The following CHEK2 variants were observed in gnomAD, a reference collection of about 807,000 sequenced individuals.
CHEK2 encodes the protein checkpoint kinase 2, also known as serine/threonine-protein kinase Chk2.
Under a neutral mutation model 69.1 loss-of-function variants are expected in CHEK2, and 71 were observed. The observed-to-expected ratio is 1.03, with a 90% CI of 0.85 to 1.25. The LOEUF is 1.25. CHEK2 is among the 50% of genes most tolerant of loss of function. The probability of loss-of-function intolerance (pLI) is 0.00; values close to 1 mark genes in which losing one functional copy is unlikely to be tolerated. For synonymous variants in CHEK2, 189 were observed against 226.9 expected (o/e 0.83, Z 1.50); for missense variants, 664 against 649.6 (o/e 1.02, Z -0.24).
At position 28,706,226 on chromosome 22, in the gene CHEK2, G is replaced by A. The variant is rs184434907; in HGVS notation, c.847-2660C>T. Among the ~76,000 whole-genome samples, 508 of 151,534 alleles carry A rather than the reference G, an allele frequency of 3.4e-3. 1 individual carries two copies. The highest frequency in any genetic ancestry group is 0.012 in the African/African-American group (479 of 41,256). ...TGAGGCAGGAGAACCACCTGAACCC[G>A]GGAGGGAGAGGTTGCACTAAGCCGA... On this transcript the variant is annotated intron_variant, in intron 7 of 14. Coordinates refer to ENST00000404276, the MANE Select transcript of CHEK2 (RefSeq NM_007194.4).
intron 2 of CHEK2, among the ~76,000 whole-genome samples, chr22:28,726,582 ATT>A (rs1009018239): frequency 6.8e-6 from 1 of 146,300 alleles, no homozygotes; most frequent in African/African-American, 2.5e-5. Flanking sequence ...TATAATATAT[ATT>A]ATAATCTATT....
At chr22:28,708,570 G>A (rs896368832) in intron 7 of CHEK2, among the ~76,000 whole-genome samples, 8 of 152,082 alleles carry the variant, frequency 5.3e-5, no homozygotes, top group Non-Finnish European at 1.2e-4. Context: ...GAAGTATTGT[G>A]TCAACAACAG....
chr22:28,713,571 T>C (rs2053484159), intron 5 of CHEK2, among the ~76,000 whole-genome samples: 1 of 152,178 alleles, frequency 6.6e-6, no homozygotes, highest in Non-Finnish European at 1.5e-5. Context: ...TTAGCCAGGA[T>C]GGTCTTGATC....
intron 10 of CHEK2, among the ~76,000 whole-genome samples, chr22:28,696,250 C>A (rs2052580789): frequency 1.3e-5 from 2 of 152,176 alleles, no homozygotes; most frequent in African/African-American, 4.8e-5. Flanking sequence ...GAAACACATG[C>A]TTATACCTGA....
intron 1 of CHEK2, among the ~76,000 whole-genome samples, chr22:28,740,568 T>C (rs2054526814): frequency 6.6e-6 from 1 of 152,232 alleles, no homozygotes; most frequent in Non-Finnish European, 1.5e-5. Flanking sequence ...TAAATAAATA[T>C]ACTATTGTGT....
At chr22:28,712,716 T>C (rs899521980) in intron 5 of CHEK2, among the ~76,000 whole-genome samples, 4 of 152,204 alleles carry the variant, frequency 2.6e-5, no homozygotes, top group Non-Finnish European at 4.4e-5. Context: ...AGGGCATCAA[T>C]TACCCATTAT....
chr22:28,695,630 T>C lies in CHEK2; in HGVS notation c.1259+80A>G. 8.1e-6 allele frequency: 10 copies of C among 1,241,520 alleles called. No individual in the cohort carries two copies. The South Asian group carries it at 1.3e-4, about 16-fold the overall frequency. The allele number at this position is 1,241,520 out of a possible 1,614,324, so 76.9% of individuals were successfully genotyped here. ...AAGATCAAGCCACTGCATGCCAGCCTGGACAACAGAGCAAGACACATTTGT... is the reference window on the plus strand; with the variant it reads ...AAGATCAAGCCACTGCATGCCAGCCCGGACAACAGAGCAAGACACATTTGT... On this transcript the variant is annotated intron_variant, in intron 11 of 14. Coordinates refer to ENST00000404276, the MANE Select transcript of CHEK2 (RefSeq NM_007194.4).
intron 9 of CHEK2, among the ~76,000 whole-genome samples, chr22:28,699,375 T>TC (rs1569119978): frequency 7.1e-6 from 1 of 141,796 alleles, no homozygotes; most frequent in African/African-American, 2.6e-5. Flanking sequence ...TTTTTTTTTT[T>TC]TTTTTTTTTG....
chr22:28,702,659 G>C (rs531208571), intron 8 of CHEK2, among the ~76,000 whole-genome samples: 1 of 150,998 alleles, frequency 6.6e-6, no homozygotes, highest in African/African-American at 2.4e-5. Flanking sequence ...CTATTCTCCT[G>C]CTTCAGCCTC....
chr22:28,692,751 C>T (rs1450665931), intron 13 of CHEK2, among the ~76,000 whole-genome samples: 293 of 142,194 alleles, frequency 2.1e-3, no homozygotes, highest in South Asian at 4.5e-3. Flanking sequence ...GTGTCCCTAC[C>T]CAAATCTCAT....
At chr22:28,718,401 T>A (rs17883522) in intron 5 of CHEK2, among the ~76,000 whole-genome samples, 3,544 of 152,220 alleles carry the variant, frequency 0.023, 64 homozygotes, top group African/African-American at 0.049. Context: ...GTAATTACCA[T>A]ATGATCCAGC....
chr22:28,695,356 A>G (rs2052532241), intron 11 of CHEK2, 114 bp from the exon 12 acceptor site: 1 of 731,056 alleles, frequency 1.4e-6, no homozygotes, highest in Non-Finnish European at 2.4e-6. Flanking sequence ...CTTTAAATCA[A>G]TGGTCAAAAA....
chr22:28,704,012 T>C (rs919314086), intron 7 of CHEK2, among the ~76,000 whole-genome samples: 2 of 151,976 alleles, frequency 1.3e-5, no homozygotes, highest in Non-Finnish European at 2.9e-5. Context: ...CTCCAGGCAA[T>C]TGGACCCCAT....
chr22:28,705,983 T>TAAACTA (rs2053124106), intron 7 of CHEK2, among the ~76,000 whole-genome samples: 1 of 150,414 alleles, frequency 6.6e-6, no homozygotes, highest in Non-Finnish European at 1.5e-5. Context: ...TAAACTAAAC[T>TAAACTA]AAACTAAACT....
intron 4 of CHEK2, chr22:28,721,686 T>C (rs1279661580): frequency 2.2e-6 from 1 of 446,446 alleles, no homozygotes; most frequent in Non-Finnish European, 4.6e-6. Flanking sequence ...CTCAAATTAG[T>C]CATTCTACAA....
intron 2 of CHEK2, among the ~76,000 whole-genome samples, chr22:28,731,235 T>A (rs1206606828): frequency 2.7e-5 from 4 of 150,824 alleles, no homozygotes; most frequent in East Asian, 2.0e-4. Flanking sequence ...AACAAAAATT[T>A]AAAAAAAGGA....
chr22:28,694,980 A>T, intron 12 of CHEK2, 147 bp downstream of exon 12: 1 of 636,382 alleles, frequency 1.6e-6, no homozygotes, highest in South Asian at 1.6e-5. Flanking sequence ...AATAATTTCC[A>T]GTGCCTCTCA....
intron 7 of CHEK2, among the ~76,000 whole-genome samples, chr22:28,705,236 A>T (rs2053072198): frequency 6.6e-6 from 1 of 151,716 alleles, no homozygotes; most frequent in African/African-American, 2.4e-5. Context: ...CTGCCACTGC[A>T]CCCGGCTAAT....
intron 5 of CHEK2, 122 bp from the exon 6 acceptor site, chr22:28,712,139 C>A: frequency 1.3e-6 from 1 of 770,154 alleles, no homozygotes; most frequent in East Asian, 2.6e-5. Context: ...TTCCATTGTC[C>A]CTGTTTGCAG....
Sources: gnomAD v4.1 joint callset for allele counts (sites outside exome capture counted in the v4.1 genomes callset) on GRCh38, gnomAD v4.1.1 for gene constraint, MANE v1.5 for transcripts, NCBI Gene and HGNC (gene_info 2026-07-23, HGNC 2026-07-21) for gene names.